The following FHIT variants were observed in gnomAD, a reference collection of about 807,000 sequenced individuals.
The protein encoded by FHIT is fragile histidine triad diadenosine triphosphatase.
Under a neutral mutation model 17.9 loss-of-function variants are expected in FHIT, and 19 were observed. The ratio of observed to expected loss-of-function variants is 1.06; its 90% CI spans 0.74 to 1.56. FHIT has a LOEUF of 1.56. Ranked by LOEUF, FHIT falls within the 40% of genes most tolerant of loss-of-function variation. The probability of loss-of-function intolerance (pLI) is 0.00; values close to 1 mark genes in which losing one functional copy is unlikely to be tolerated. For missense variants in FHIT, 248 were observed against 189.2 expected, an observed-to-expected ratio of 1.31 and a Z score of -1.82; for synonymous variants, 81 against 69.7, an observed-to-expected ratio of 1.16 and a Z score of -0.81.
intron 5 of FHIT, among the ~76,000 whole-genome samples, chr3:60,130,745 G>GAT (rs780698505): frequency 1.2e-5 from 1 of 80,330 alleles, no homozygotes; most frequent in African/African-American, 5.4e-5. Context: ...ACTGAATAGG[G>GAT]GTGTGTGTGT....
intron 8 of FHIT, among the ~76,000 whole-genome samples, chr3:59,754,619 A>G (rs1347720832): frequency 6.6e-6 from 1 of 152,212 alleles, no homozygotes; most frequent in East Asian, 1.9e-4. Context: ...AGTGGCCTCA[A>G]CAACACAGAT....
chr3:60,030,060 G>C (rs1031232002), intron 5 of FHIT, among the ~76,000 whole-genome samples: 4 of 152,000 alleles, frequency 2.6e-5, no homozygotes, highest in Admixed American at 6.6e-5. Context: ...GGTTTTGTTT[G>C]TGACTCCATT....
intron 4 of FHIT, among the ~76,000 whole-genome samples, chr3:60,583,269 TG>T (rs1233270519): frequency 6.6e-6 from 1 of 152,020 alleles, no homozygotes; most frequent in Admixed American, 6.6e-5. Context: ...AAAATAAATT[TG>T]GCATTCCCAT....
At chr3:60,638,904 C>T (rs558311148) in intron 4 of FHIT, among the ~76,000 whole-genome samples, 6 of 150,436 alleles carry the variant, frequency 4.0e-5, no homozygotes, top group African/African-American at 7.3e-5. Context: ...GAGGGCTTTC[C>T]TTAAAACATG....
intron 5 of FHIT, among the ~76,000 whole-genome samples, chr3:60,372,257 T>C (rs778879390): frequency 3.3e-5 from 5 of 152,152 alleles, no homozygotes; most frequent in Non-Finnish European, 7.3e-5. Flanking sequence ...AGAGACGTAT[T>C]CATCTTTAAG....
rs1246148542 is a variant in FHIT at position 61,242,186 on chromosome 3, G to A, written c.-213+9115C>T. On this transcript the variant is annotated intron_variant, in intron 1 of 9. Coordinates refer to ENST00000492590, the MANE Select transcript of FHIT (RefSeq NM_002012.4). The stretch of plus-strand genomic sequence containing the variant: ...GAAAAACAACTTTCCAAAGGAAAGG[G>A]TCTGAAAGGGGATCAGAATATGCTA... 6.6e-5 allele frequency among the ~76,000 whole-genome samples: 10 copies of A among 152,192 alleles called. No individual in the cohort carries two copies. The East Asian group carries it at 1.7e-3, about 26-fold the overall frequency.
intron 8 of FHIT, among the ~76,000 whole-genome samples, chr3:59,776,461 C>A (rs1007207783): frequency 2.0e-5 from 3 of 152,256 alleles, no homozygotes; most frequent in Admixed American, 1.3e-4. Flanking sequence ...CAGGACATTG[C>A]ACAGGCTATG....
At chr3:60,265,865 A>T (rs1395958930) in intron 5 of FHIT, among the ~76,000 whole-genome samples, 1 of 151,950 alleles carries the variant, frequency 6.6e-6, no homozygotes, top group Non-Finnish European at 1.5e-5. Flanking sequence ...GGTGATCTAA[A>T]CACCATGAGT....
intron 5 of FHIT, among the ~76,000 whole-genome samples, chr3:60,504,427 T>C (rs113740100): frequency 1.8e-5 from 2 of 109,328 alleles, no homozygotes; most frequent in African/African-American, 7.5e-5. Context: ...CGAGACCCCG[T>C]CTCAAAAAAA....
In FHIT at chr3:61,061,261, T is replaced by A. The variant is rs1160681882; in HGVS notation, c.-163-19162A>T. ...TCCCAATCTGCTAGTTTCAGTCGGT[T>A]GGTTTTGTGTTCCTGTTGTGATATA... On this transcript the variant is annotated intron_variant, in intron 2 of 9. Transcript: ENST00000492590. Among the ~76,000 whole-genome samples, 5 of 152,112 alleles carry A rather than the reference T, an allele frequency of 3.3e-5. No individual in the cohort carries two copies. In the East Asian group the frequency reaches 9.6e-4, roughly 29 times the overall value.
chr3:60,360,907 T>C (rs1205611741), intron 5 of FHIT, among the ~76,000 whole-genome samples: 1 of 152,202 alleles, frequency 6.6e-6, no homozygotes, highest in Non-Finnish European at 1.5e-5. Flanking sequence ...TCTTTATCCC[T>C]GTTTTGTCAA....
chr3:60,532,047 G>C (rs775418024), intron 5 of FHIT, among the ~76,000 whole-genome samples: 1 of 152,272 alleles, frequency 6.6e-6, no homozygotes, highest in East Asian at 1.9e-4. Context: ...TCCTAATGTT[G>C]TATGGCCCTG....
chr3:60,052,709 C>T (rs1559586357), intron 5 of FHIT, among the ~76,000 whole-genome samples: 1 of 150,014 alleles, frequency 6.7e-6, no homozygotes, highest in South Asian at 2.1e-4. Flanking sequence ...CCAGGGGCAT[C>T]CCATCTAGGA....
At chr3:59,777,216 G>T (rs1465067309) in intron 8 of FHIT, among the ~76,000 whole-genome samples, 2 of 152,064 alleles carry the variant, frequency 1.3e-5, no homozygotes, top group Non-Finnish European at 2.9e-5. Flanking sequence ...CCAACCAGGT[G>T]GTCTCATTCA....
At chr3:60,129,042 C>CTTTTTTTTTTTTTTTTTTTTT (rs1360333142) in intron 5 of FHIT, among the ~76,000 whole-genome samples, 1 of 113,012 alleles carries the variant, frequency 8.8e-6, no homozygotes, top group African/African-American at 3.4e-5. Flanking sequence ...TTCTTCTTTC[C>CTTTTTTTTTTTTTTTTTTTTT]TTTTTTGTTT....
At chr3:59,996,628 A>C (rs971777084) in intron 7 of FHIT, among the ~76,000 whole-genome samples, 1 of 152,118 alleles carries the variant, frequency 6.6e-6, no homozygotes, top group African/African-American at 2.4e-5. Context: ...CAAAGAGTCC[A>C]AAGGGCTCCA....
At chr3:60,897,065 C>G (rs138028930) in intron 3 of FHIT, among the ~76,000 whole-genome samples, 3 of 152,274 alleles carry the variant, frequency 2.0e-5, no homozygotes, top group Non-Finnish European at 4.4e-5. Context: ...ATATAGTCTT[C>G]CACATTTTGC....
At chr3:60,486,797 G>T (rs2033862338) in intron 5 of FHIT, among the ~76,000 whole-genome samples, 2 of 152,014 alleles carry the variant, frequency 1.3e-5, no homozygotes, top group South Asian at 4.1e-4. Context: ...CGTGATCTTT[G>T]ATCCAAAAAT....
chr3:60,476,377 G>A (rs990767064), intron 5 of FHIT, among the ~76,000 whole-genome samples: 8 of 152,082 alleles, frequency 5.3e-5, no homozygotes, highest in Admixed American at 1.3e-4. Flanking sequence ...AAACGCAAAC[G>A]TCCAGTTAAA....
Sources: allele counts gnomAD v4.1 joint callset (sites outside exome capture counted in the v4.1 genomes callset), GRCh38; gene constraint gnomAD v4.1.1; transcripts MANE v1.5; gene names NCBI Gene and HGNC (gene_info 2026-07-23, HGNC 2026-07-21).